GRK1: variants seen among roughly 807,000 people sequenced by gnomAD.
GRK1 encodes the protein G protein-coupled receptor kinase 1.
Under a neutral mutation model 41.7 loss-of-function variants are expected in GRK1, and 28 were observed. The ratio of observed to expected loss-of-function variants is 0.67; its 90% CI spans 0.50 to 0.92. The LOEUF (loss-of-function observed/expected upper bound fraction) is 0.92. GRK1 is among the 40% of genes least tolerant of loss of function. GRK1 has a pLI of 0.00. For missense variants in GRK1, 703 were observed against 671.2 expected, an observed-to-expected ratio of 1.05 and a Z score of -0.52; for synonymous variants, 327 against 286.7, an observed-to-expected ratio of 1.14 and a Z score of -1.42.
intron 4 of GRK1, among the ~76,000 whole-genome samples, chr13:113,723,519 C>T (rs2049869690): frequency 1.3e-5 from 2 of 151,980 alleles, no homozygotes; most frequent in Admixed American, 1.3e-4. Flanking sequence ...TCTGGAAAGG[C>T]GGGAGGGGGC....
the GRK1 span, among the ~76,000 whole-genome samples, chr13:113,655,796 A>C: frequency 4.7e-3 from 715 of 152,296 alleles, 8 homozygotes; most frequent in African/African-American, 0.016. Flanking sequence ...GATTCTGCTT[A>C]GTGAGCCGTT....
At chr13:113,734,011 TGC>T (rs1473150312) in intron 6 of GRK1, among the ~76,000 whole-genome samples, 2 of 147,112 alleles carry the variant, frequency 1.4e-5, no homozygotes, top group Non-Finnish European at 3.0e-5. Context: ...TGCGTGTGCG[TGC>T]ATGTGTGTGC....
chr13:113,671,752 G>T lies in GRK1; in HGVS notation c.985+96G>T. 1.4e-6 allele frequency: 1 copy of T among 690,124 alleles called. No homozygotes were observed. Among genetic ancestry groups the T allele is most frequent in the Non-Finnish European group, 2.6e-6 (1 of 377,576 alleles). The allele number at this position is 690,124 out of a possible 1,614,324, so 42.8% of individuals were successfully genotyped here. ...CTGCACAACCTCACGAGGGCTGACG[G>T]CTGTGTGGACGGTGGGGGTTCATGA... On this transcript the variant is annotated intron_variant, in intron 3 of 6. Transcript: ENST00000335678. The surrounding 1 kb of genome is among the most constrained non-coding windows in gnomAD (Gnocchi z 4.1).
Position 113,667,536 on chromosome 13 carries a change from C to T in GRK1, c.150C>T (p.Leu50=). The T allele has an allele frequency of 6.2e-7, 1 of 1,613,522 alleles. No individual in the cohort carries two copies. Among genetic ancestry groups the T allele is most frequent in the East Asian group, 2.2e-5 (1 of 44,884 alleles). ...CCCCGCTGTCCAAGTGTGAGTCCCT[C>T]CGCGACAGCCTCAGCCTGGAGTTTG... ...KLPPLSKCES[L]RDSLSLEFES... The change falls in exon 1 of 7, where the codon CTC becomes CTT. Residue 50 remains leucine (L), a synonymous_variant. Transcript: ENST00000335678. This position sits in a 1 kb window ranked among gnomAD's most constrained non-coding sequence, Gnocchi z 7.5.
chr13:113,732,074 C>T (rs2049941119), intron 5 of GRK1, among the ~76,000 whole-genome samples: 1 of 152,142 alleles, frequency 6.6e-6, no homozygotes, highest in South Asian at 2.1e-4. Context: ...TGGAGAAAAG[C>T]TGGCTTTTTC....
the GRK1 span, chr13:113,658,061 C>T: frequency 1.9e-6 from 3 of 1,609,204 alleles, no homozygotes; most frequent in East Asian, 6.7e-5. Flanking sequence ...GGCCCAGCAT[C>T]TGCCCCGTGT....
At chr13:113,661,756 C>A in the GRK1 span, among the ~76,000 whole-genome samples, 1 of 152,154 alleles carries the variant, frequency 6.6e-6, no homozygotes, top group Non-Finnish European at 1.5e-5. Flanking sequence ...TGGGCTGCTT[C>A]ATCAAAAATC....
chr13:113,731,336 G>A lies in GRK1; in HGVS notation c.1187G>A (p.Gly396Glu). Residue 396 changes from glycine (G) to glutamate (E), a missense_variant, in exon 5 of 7, where the codon GGA (glycine) becomes GAA (glutamate). Transcript: ENST00000335678. This position sits in a 1 kb window ranked among gnomAD's most constrained non-coding sequence, Gnocchi z 5.6. The stretch of plus-strand genomic sequence containing the variant: ...GCCAGAGGACCCTTCCGAGCCCGTG[G>A]AGAGAAGGTAGGAGGCGGCCGGCAG... ...IAARGPFRAR[G>E]EKVENKELKH... The A allele has an allele frequency of 2.0e-6, 3 of 1,536,936 alleles. No individual in the cohort carries two copies. Among genetic ancestry groups the A allele is most frequent in the Non-Finnish European group, 2.6e-6 (3 of 1,146,824 alleles).
intron 6 of GRK1, among the ~76,000 whole-genome samples, chr13:113,733,839 GTGTGCATGTGTA>G (rs1566700086): frequency 7.8e-6 from 1 of 128,996 alleles, no homozygotes; most frequent in African/African-American, 3.3e-5. Context: ...GTGCACGTGC[GTGTGCATGTGTA>G]TGTGTGCATA....
In GRK1 at chr13:113,669,575, G is replaced by T. The variant is rs1394225821; in HGVS notation, c.700-112G>T. On this transcript the variant is annotated intron_variant, in intron 1 of 6. Coordinates refer to ENST00000335678, the MANE Select transcript of GRK1 (RefSeq NM_002929.3). ...AAAGGCGCATTTAAAGCATGTTTGC[G>T]ACTGCTCCGTGGCTGTGTGCAGTGG... 2.3e-6 allele frequency: 3 copies of T among 1,315,254 alleles called. No homozygotes were observed. The African/African-American group carries it at 4.3e-5, about 19-fold the overall frequency. 81.5% of individuals were successfully genotyped at this position (1,315,254 alleles called of 1,614,324 possible). A position where few individuals can be genotyped will look rare whatever the true frequency, so the allele number is the denominator to read the frequency against.
the GRK1 span, among the ~76,000 whole-genome samples, chr13:113,660,075 T>C: frequency 1.8e-4 from 27 of 152,322 alleles, no homozygotes; most frequent in East Asian, 4.8e-3. Flanking sequence ...CACATACGTG[T>C]GGGGAGGAGG....
chr13:113,651,627 C>T, the GRK1 span: 3 of 1,550,032 alleles, frequency 1.9e-6, no homozygotes, highest in African/African-American at 2.7e-5. Flanking sequence ...CCCTGACAAG[C>T]TCCTTTCCTG....
At chr13:113,732,579 T>G (rs968791566) in intron 5 of GRK1, among the ~76,000 whole-genome samples, 2 of 152,202 alleles carry the variant, frequency 1.3e-5, no homozygotes, top group South Asian at 2.1e-4. Context: ...GCTTCTCAGC[T>G]GGGCCCGCGC....
At chr13:113,660,072 G>A in the GRK1 span, among the ~76,000 whole-genome samples, 2 of 152,174 alleles carry the variant, frequency 1.3e-5, no homozygotes, top group African/African-American at 2.4e-5. Context: ...GGACACATAC[G>A]TGTGGGGAGG....
At chr13:113,734,048 ATACGTGTGTG>A (rs2049983214) in intron 6 of GRK1, among the ~76,000 whole-genome samples, 2 of 137,036 alleles carry the variant, frequency 1.5e-5, no homozygotes, top group African/African-American at 5.6e-5. Context: ...GTGTGTGTGC[ATACGTGTGTG>A]TGCATGTGTG....
chr13:113,649,401 C>A, the GRK1 span: 1 of 1,594,752 alleles, frequency 6.3e-7, no homozygotes. The surrounding 1 kb of genome is among the most constrained non-coding windows in gnomAD (Gnocchi z 4.7). Flanking sequence ...GTTTGAACTC[C>A]ACTTTCCCTT....
chr13:113,654,996 A>T, the GRK1 span: 1 of 1,606,556 alleles, frequency 6.2e-7, no homozygotes, highest in Non-Finnish European at 8.5e-7. Flanking sequence ...TAACGCACAC[A>T]ATTCGGTGGC....
the GRK1 span, chr13:113,650,287 C>T: frequency 1.1e-6 from 1 of 946,258 alleles, no homozygotes; most frequent in Non-Finnish European, 1.7e-6. This position sits in a 1 kb window ranked among gnomAD's most constrained non-coding sequence, Gnocchi z 5.0. Flanking sequence ...CCAGTCAGGA[C>T]CGGCTAAGTC....
the GRK1 span, chr13:113,653,399 C>T: frequency 3.1e-6 from 5 of 1,614,110 alleles, no homozygotes; most frequent in African/African-American, 5.3e-5. Flanking sequence ...ATTTCCAGGC[C>T]TTTCTCCCCG....
Sources: gnomAD v4.1 joint callset for allele counts (sites outside exome capture counted in the v4.1 genomes callset) on GRCh38, gnomAD v4.1.1 for gene constraint, Gnocchi (gnomAD v3.1) non-coding constraint, MANE v1.5 for transcripts, NCBI Gene and HGNC (gene_info 2026-07-23, HGNC 2026-07-21) for gene names.